Variants in NRG3 observed in about 807,000 individuals in gnomAD.
NRG3 encodes the protein pro-neuregulin-3, membrane-bound isoform.
NRG3 carries 31 observed loss-of-function variants against 66.9 expected under a neutral mutation model. That is an observed-to-expected ratio of 0.46 (90% CI 0.35 to 0.63). The LOEUF is 0.63. Among genes scored for constraint, NRG3 ranks in the 20% least tolerant of loss-of-function variants. NRG3 has a pLI of 0.00. For synonymous variants in NRG3, 393 were observed against 359.4 expected (o/e 1.09, Z -1.06); for missense variants, 910 against 878.9 (o/e 1.04, Z -0.45).
chr10:81,961,068 A>G (rs967427935), intron 1 of NRG3, among the ~76,000 whole-genome samples: 2 of 152,184 alleles, frequency 1.3e-5, no homozygotes, highest in Non-Finnish European at 2.9e-5. Context: ...GTCTTACTTA[A>G]TGGACTATAA....
intron 1 of NRG3, among the ~76,000 whole-genome samples, chr10:82,343,349 A>C (rs1281541133): frequency 1.3e-5 from 2 of 152,134 alleles, no homozygotes; most frequent in African/African-American, 2.4e-5. Context: ...TTAATGAAGG[A>C]AGTGAAAGAT....
At chr10:82,359,385 C>G (rs138538397) in intron 2 of NRG3, among the ~76,000 whole-genome samples, 15 of 152,284 alleles carry the variant, frequency 9.9e-5, no homozygotes, top group Non-Finnish European at 1.9e-4. Context: ...TTTCTTAACA[C>G]CTCTGATGAA....
intron 6 of NRG3, among the ~76,000 whole-genome samples, chr10:82,965,609 G>A (rs1355848315): frequency 6.6e-6 from 1 of 151,926 alleles, no homozygotes; most frequent in African/African-American, 2.4e-5. Context: ...GGTGGTGGGC[G>A]CCTGTAATCC....
chr10:82,869,306 C>T (rs1841057447), intron 4 of NRG3, among the ~76,000 whole-genome samples: 1 of 152,142 alleles, frequency 6.6e-6, no homozygotes, highest in African/African-American at 2.4e-5. Context: ...GCACAGCTAC[C>T]TCCCTAATGA....
chr10:82,308,822 A>G (rs752723360), intron 1 of NRG3, among the ~76,000 whole-genome samples: 5 of 152,120 alleles, frequency 3.3e-5, no homozygotes, highest in Non-Finnish European at 7.3e-5. Flanking sequence ...CCGTACCTTA[A>G]GCTAGAGCCG....
chr10:81,968,557 A>G (rs191341555), intron 1 of NRG3, among the ~76,000 whole-genome samples: 34 of 152,322 alleles, frequency 2.2e-4, no homozygotes, highest in African/African-American at 7.0e-4. Context: ...GAACTCTGAG[A>G]ATGCTTGAAC....
chr10:81,918,389 G>A (rs906221295), intron 1 of NRG3, among the ~76,000 whole-genome samples: 1 of 152,108 alleles, frequency 6.6e-6, no homozygotes, highest in Admixed American at 6.6e-5. Context: ...TCTGTTATAT[G>A]GGCAGAGTAA....
At chr10:82,370,615 C>A (rs914128519) in intron 2 of NRG3, among the ~76,000 whole-genome samples, 1 of 152,090 alleles carries the variant, frequency 6.6e-6, no homozygotes, top group South Asian at 2.1e-4. Context: ...AGTATTTTCC[C>A]ATTTCCTGTC....
intron 2 of NRG3, among the ~76,000 whole-genome samples, chr10:82,607,830 A>G (rs2048059638): frequency 6.6e-6 from 1 of 151,992 alleles, no homozygotes; most frequent in African/African-American, 2.4e-5. Flanking sequence ...TAAAACAATA[A>G]TATTTTTTTG....
intron 1 of NRG3, among the ~76,000 whole-genome samples, chr10:81,959,102 A>G (rs1160389530): frequency 6.6e-6 from 1 of 152,174 alleles, no homozygotes; most frequent in Non-Finnish European, 1.5e-5. Flanking sequence ...ATATGTATAA[A>G]TATTTTTGTT....
At chr10:82,134,119 T>C (rs2069146358) in intron 1 of NRG3, among the ~76,000 whole-genome samples, 1 of 151,868 alleles carries the variant, frequency 6.6e-6, no homozygotes, top group South Asian at 2.1e-4. Context: ...TTGTTTGTTT[T>C]TCTCTTGTAA....
At chr10:82,584,487 G>A (rs904040777) in intron 2 of NRG3, among the ~76,000 whole-genome samples, 1 of 152,188 alleles carries the variant, frequency 6.6e-6, no homozygotes, top group Non-Finnish European at 1.5e-5. Flanking sequence ...CTAGGCAATA[G>A]ATATTAATGT....
At chr10:82,764,708 G>C (rs1403284020) in intron 3 of NRG3, among the ~76,000 whole-genome samples, 1 of 152,096 alleles carries the variant, frequency 6.6e-6, no homozygotes, top group African/African-American at 2.4e-5. Flanking sequence ...AAGATAATAT[G>C]ATAGGGAAAT....
intron 1 of NRG3, among the ~76,000 whole-genome samples, chr10:81,910,286 A>C: frequency 6.6e-6 from 1 of 152,268 alleles, no homozygotes; most frequent in Non-Finnish European, 1.5e-5. Context: ...GAGTAAAGAG[A>C]AATAACTACT....
intron 1 of NRG3, among the ~76,000 whole-genome samples, chr10:82,037,930 T>C (rs1444859607): frequency 6.6e-6 from 1 of 151,440 alleles, no homozygotes; most frequent in African/African-American, 2.4e-5. Context: ...AAGGTGCTCA[T>C]GAATGCCTCA....
chr10:82,788,996 T>G (rs2060479411), intron 3 of NRG3, among the ~76,000 whole-genome samples: 1 of 152,126 alleles, frequency 6.6e-6, no homozygotes, highest in Non-Finnish European at 1.5e-5. Context: ...CAAGTTTTCA[T>G]GTGTTTATGT....
At chr10:82,023,388 G>A (rs1324374793) in intron 1 of NRG3, among the ~76,000 whole-genome samples, 2 of 152,090 alleles carry the variant, frequency 1.3e-5, no homozygotes, top group African/African-American at 4.8e-5. Context: ...AACTTCTGGT[G>A]CTATGTTGAA....
Position 82,735,032 on chromosome 10 carries a change from G to A in NRG3, c.954-3545G>A, listed in dbSNP as rs546968315. 1.3e-3 allele frequency among the ~76,000 whole-genome samples: 195 copies of A among 150,146 alleles called. 1 individual carries two copies. The highest frequency in any genetic ancestry group is 1.9e-3 in the Non-Finnish European group (128 of 67,550). On this transcript the variant is annotated intron_variant, in intron 2 of 8. Coordinates refer to ENST00000372141, the MANE Select transcript of NRG3 (RefSeq NM_001010848.4). ...AAAAAAAAAAAGAAAAAAAAAAGAAGGGAAGGGAAGAAGGAAGGAGGGAGG... is the reference window on the plus strand; with the variant it reads ...AAAAAAAAAAAGAAAAAAAAAAGAAAGGAAGGGAAGAAGGAAGGAGGGAGG...
chr10:82,684,693 A>C (rs2054373091), intron 2 of NRG3, among the ~76,000 whole-genome samples: 1 of 152,194 alleles, frequency 6.6e-6, no homozygotes. Flanking sequence ...AATGGAGTAC[A>C]ACACAGTGGT....
Sources: allele counts gnomAD v4.1 joint callset (sites outside exome capture counted in the v4.1 genomes callset), GRCh38; gene constraint gnomAD v4.1.1; transcripts MANE v1.5; gene names NCBI Gene and HGNC (gene_info 2026-07-23, HGNC 2026-07-21).